UNC13B: variants seen among roughly 807,000 people sequenced by gnomAD.
UNC13B encodes protein unc-13 homolog B.
Under a neutral mutation model 211.0 loss-of-function variants are expected in UNC13B, and 144 were observed. That is an observed-to-expected ratio of 0.68 (90% CI 0.60 to 0.78). The LOEUF (loss-of-function observed/expected upper bound fraction) is 0.78. Among genes scored for constraint, UNC13B ranks in the 30% least tolerant of loss-of-function variants. UNC13B has a pLI of 0.00. For missense variants in UNC13B, 1,777 were observed against 2,002.0 expected (o/e 0.89, Z 2.14); for synonymous variants, 709 against 725.8 (o/e 0.98, Z 0.37).
chr9:35,357,148 G>T (rs1223971153), intron 11 of UNC13B, among the ~76,000 whole-genome samples: 1 of 152,114 alleles, frequency 6.6e-6, no homozygotes, highest in Non-Finnish European at 1.5e-5. Context: ...ACCATTTGAG[G>T]AACTGCCAGA....
At chr9:35,261,001 C>G (rs1470724848) in intron 7 of UNC13B, among the ~76,000 whole-genome samples, 1 of 152,154 alleles carries the variant, frequency 6.6e-6, no homozygotes, top group African/African-American at 2.4e-5. Context: ...ATACATTTTT[C>G]ATATGTTTAC....
intron 2 of UNC13B, 121 bp from the exon 3 acceptor site, chr9:35,230,999 C>A: frequency 1.6e-6 from 1 of 636,552 alleles, no homozygotes; most frequent in Non-Finnish European, 2.7e-6. Flanking sequence ...TACAATATAG[C>A]TTAATTTTTT....
At chr9:35,346,600 A>C (rs992481520) in intron 11 of UNC13B, among the ~76,000 whole-genome samples, 4 of 152,140 alleles carry the variant, frequency 2.6e-5, no homozygotes, top group African/African-American at 9.7e-5. Context: ...TCCCTTTTCA[A>C]ATGCAGATAG....
At chr9:35,327,459 A>G (rs1231146837) in intron 11 of UNC13B, among the ~76,000 whole-genome samples, 2 of 152,178 alleles carry the variant, frequency 1.3e-5, no homozygotes, top group Non-Finnish European at 2.9e-5. Context: ...TGCAAGTCCC[A>G]AATAACCTGT....
In UNC13B at chr9:35,338,149, A is replaced by G. The variant is rs576271524; in HGVS notation, c.9414+24160A>G. On this transcript the variant is annotated intron_variant, in intron 11 of 39. Transcript: ENST00000635942. ...GCAGTAGACATATAGGTTTCTTATG[A>G]TCATGAATTGTTAATTATTTGGTCC... is the stretch of plus-strand genomic sequence containing the variant. Among the ~76,000 whole-genome samples the G allele has an allele frequency of 1.3e-4, 20 of 152,302 alleles. No homozygotes were observed. The East Asian group carries it at 3.1e-3, about 24-fold the overall frequency.
At chr9:35,213,260 C>A (rs542806044) in intron 1 of UNC13B, among the ~76,000 whole-genome samples, 77 of 152,192 alleles carry the variant, frequency 5.1e-4, no homozygotes, top group African/African-American at 1.8e-3. Flanking sequence ...GAGGGTAGGG[C>A]CTTCATGATG....
intron 12 of UNC13B, among the ~76,000 whole-genome samples, chr9:35,368,026 G>T (rs1404840179): frequency 6.6e-6 from 1 of 152,042 alleles, no homozygotes; most frequent in Non-Finnish European, 1.5e-5. Flanking sequence ...ATTTTTACAT[G>T]CTCCTTTCCC....
intron 11 of UNC13B, chr9:35,351,877 C>G: frequency 8.1e-7 from 1 of 1,232,270 alleles, no homozygotes; most frequent in South Asian, 4.1e-5. Context: ...CAGAGAGGAA[C>G]CAAACCAAGA....
At chr9:35,378,204 C>A in intron 16 of UNC13B, 91 bp from the exon 17 acceptor site, 1 of 1,536,136 alleles carries the variant, frequency 6.5e-7, no homozygotes, top group South Asian at 1.2e-5. Flanking sequence ...GTGCAAGGAG[C>A]ATAGACTGCT....
intron 24 of UNC13B, among the ~76,000 whole-genome samples, chr9:35,387,446 A>G (rs1835262704): frequency 1.3e-5 from 2 of 152,114 alleles, no homozygotes; most frequent in African/African-American, 2.4e-5. Context: ...TCTTCCTTTT[A>G]AGGTTTCTAA....
chr9:35,400,262 A>T, intron 36 of UNC13B, 34 bp from the exon 37 acceptor site: 20 of 1,608,020 alleles, frequency 1.2e-5, no homozygotes, highest in Non-Finnish European at 1.6e-5. Flanking sequence ...CTGTAAGGGG[A>T]TGAAGCAGTC....
In UNC13B at chr9:35,308,165, GGGT is replaced by G. The variant is rs899910336; in HGVS notation, c.8762_8764del (p.Gly2921_Ser2922delinsAla). ...AGAGGTCTGTGCTCAGGGGCTTTCA[GGGT>G]CTGGAGAAGGGGGAAACCAGCAGGA... is the stretch of plus-strand genomic sequence containing the variant. On this transcript the variant is annotated inframe_deletion, in exon 9 of 40. Transcript: ENST00000635942. The G allele has an allele frequency of 1.8e-5, 7 of 399,512 alleles. No individual in the cohort carries two copies. Among genetic ancestry groups the G allele is most frequent in the Non-Finnish European group, 3.1e-5 (7 of 226,558 alleles). The allele number at this position is 399,512 out of a possible 1,614,324, so 24.7% of individuals were successfully genotyped here. A position where few individuals can be genotyped will look rare whatever the true frequency, so the allele number is the denominator to read the frequency against.
At chr9:35,256,410 C>T (rs893275638) in intron 6 of UNC13B, among the ~76,000 whole-genome samples, 13 of 152,104 alleles carry the variant, frequency 8.5e-5, no homozygotes, top group South Asian at 2.1e-4. Context: ...AGAGCCTTGT[C>T]TGTCTTCTGA....
intron 11 of UNC13B, among the ~76,000 whole-genome samples, chr9:35,337,847 A>G (rs1831750426): frequency 6.6e-6 from 1 of 152,234 alleles, no homozygotes; most frequent in African/African-American, 2.4e-5. Flanking sequence ...TCTTAGAACA[A>G]GCCATAAAGA....
rs190421853 is a variant in UNC13B at position 35,193,492 on chromosome 9, C to G, written c.22+31187C>G. 7.9e-5 allele frequency among the ~76,000 whole-genome samples: 12 copies of G among 151,758 alleles called. 1 individual carries two copies. The highest frequency in any genetic ancestry group is 5.3e-4 in the Admixed American group (8 of 15,210). On this transcript the variant is annotated intron_variant, in intron 1 of 39. Coordinates refer to ENST00000635942, the MANE Select transcript of UNC13B (RefSeq NM_001371189.2). Reference sequence around the variant, plus strand: ...TGAAACCCCGTCTCTACTAAAAATACAAAAATTAGCTGGGCATGGTGGCAT... The same window carrying G: ...TGAAACCCCGTCTCTACTAAAAATAGAAAAATTAGCTGGGCATGGTGGCAT...
intron 6 of UNC13B, among the ~76,000 whole-genome samples, chr9:35,255,425 G>A (rs1826818796): frequency 1.3e-5 from 2 of 151,960 alleles, no homozygotes; most frequent in South Asian, 4.1e-4. Flanking sequence ...CAGGGGAACT[G>A]CAGAGGAGAA....
intron 1 of UNC13B, among the ~76,000 whole-genome samples, chr9:35,177,553 ATG>A (rs1564047881): frequency 6.6e-6 from 1 of 152,214 alleles, no homozygotes; most frequent in Non-Finnish European, 1.5e-5. Context: ...TCTTAAGATC[ATG>A]TGTTTGAAAT....
Position 35,305,265 on chromosome 9 carries a change from C to T in UNC13B, c.5861C>T (p.Ser1954Leu). The T allele has an allele frequency of 2.5e-6, 1 of 398,912 alleles. No homozygotes were observed. The highest frequency in any genetic ancestry group is 4.4e-6 in the Non-Finnish European group (1 of 226,000). The allele number at this position is 398,912 out of a possible 1,614,324, so 24.7% of individuals were successfully genotyped here. A position where few individuals can be genotyped will look rare whatever the true frequency, so the allele number is the denominator to read the frequency against. ...AAGACTCAGGTGAATAAAGAAGGAT[C>T]ACCAAACTTAGAAAAGATTGGTGAT... ...LFKTQVNKEG[S>L]PNLEKIGDTN... is the part of the protein sequence containing the mutation. Residue 1954 changes from serine (S) to leucine (L), a missense_variant, in exon 9 of 40, where the codon TCA becomes TTA. Coordinates refer to ENST00000635942, the MANE Select transcript of UNC13B (RefSeq NM_001371189.2).
intron 1 of UNC13B, among the ~76,000 whole-genome samples, chr9:35,193,958 A>C (rs919892613): frequency 6.6e-6 from 1 of 152,138 alleles, no homozygotes; most frequent in East Asian, 1.9e-4. Context: ...TTCCAGACCA[A>C]GGGCAGAGTG....
Sources: gnomAD v4.1 joint callset for allele counts (sites outside exome capture counted in the v4.1 genomes callset) on GRCh38, gnomAD v4.1.1 for gene constraint, MANE v1.5 for transcripts, NCBI Gene and HGNC (gene_info 2026-07-23, HGNC 2026-07-21) for gene names.